The following INPP4B variants were observed in gnomAD, a reference collection of about 807,000 sequenced individuals.
The protein encoded by INPP4B is inositol polyphosphate 4-phosphatase type II.
Under a neutral mutation model 122.5 loss-of-function variants are expected in INPP4B, and 55 were observed. The ratio of observed to expected loss-of-function variants is 0.45; its 90% CI spans 0.36 to 0.56. The LOEUF is 0.56. INPP4B is among the 20% of genes least tolerant of loss of function. The pLI is 0.00. For synonymous variants in INPP4B, 403 were observed against 388.7 expected (o/e 1.04, Z -0.43); for missense variants, 1,000 against 1,097.7 (o/e 0.91, Z 1.26).
chr4:142,246,704 G>A (rs1417832223), intron 11 of INPP4B, among the ~76,000 whole-genome samples: 1 of 152,096 alleles, frequency 6.6e-6, no homozygotes, highest in Non-Finnish European at 1.5e-5. Context: ...GGGCTAAGTC[G>A]ATGGGGTTTT....
At chr4:142,325,380 A>G (rs1283191785) in intron 7 of INPP4B, among the ~76,000 whole-genome samples, 1 of 152,236 alleles carries the variant, frequency 6.6e-6, no homozygotes. Flanking sequence ...CAAACTGGTT[A>G]CAAATGCATA....
chr4:142,570,635 GA>G (rs1560814640), intron 2 of INPP4B, among the ~76,000 whole-genome samples: 1 of 151,768 alleles, frequency 6.6e-6, no homozygotes. Flanking sequence ...TATATTTAAA[GA>G]AGAATAAAAA....
chr4:142,089,734 G>GTA (rs1469483811), intron 23 of INPP4B, among the ~76,000 whole-genome samples: 2 of 152,100 alleles, frequency 1.3e-5, no homozygotes, highest in Admixed American at 6.6e-5. Context: ...TACCCTTAGT[G>GTA]TATACATTGC....
intron 23 of INPP4B, among the ~76,000 whole-genome samples, chr4:142,097,232 T>TTTATTTTATG (rs1782277843): frequency 6.9e-6 from 1 of 144,574 alleles, no homozygotes; most frequent in East Asian, 2.0e-4. Context: ...TTATTTTTAT[T>TTTATTTTATG]TTATTTTATT....
chr4:142,434,806 T>C (rs904445733), intron 3 of INPP4B, among the ~76,000 whole-genome samples: 1 of 152,038 alleles, frequency 6.6e-6, no homozygotes, highest in South Asian at 2.1e-4. Flanking sequence ...GGGTGTCCAA[T>C]CTTTTGGCTT....
chr4:142,759,621 C>T (rs917310010), intron 1 of INPP4B, among the ~76,000 whole-genome samples: 68 of 151,828 alleles, frequency 4.5e-4, no homozygotes, highest in African/African-American at 1.6e-3. Flanking sequence ...ATTTCTGCTA[C>T]TAAGTTCTAA....
chr4:142,477,557 A>C (rs1819950268), intron 2 of INPP4B, among the ~76,000 whole-genome samples: 1 of 152,094 alleles, frequency 6.6e-6, no homozygotes, highest in Non-Finnish European at 1.5e-5. Flanking sequence ...AAAAGAGAGA[A>C]GATCCAAATA....
intron 1 of INPP4B, among the ~76,000 whole-genome samples, chr4:142,746,648 A>G (rs1199359443): frequency 1.3e-5 from 2 of 152,188 alleles, no homozygotes; most frequent in African/African-American, 2.4e-5. Flanking sequence ...TAAGACAAAC[A>G]GCATGGTACT....
chr4:142,083,907 C>G (rs1775416371), intron 24 of INPP4B, among the ~76,000 whole-genome samples: 1 of 151,884 alleles, frequency 6.6e-6, no homozygotes, highest in African/African-American at 2.4e-5. Flanking sequence ...TTTATTGTTA[C>G]TATCATATGC....
At chr4:142,124,846 A>T in intron 18 of INPP4B, 86 bp from the exon 19 acceptor site, 3 of 1,011,456 alleles carry the variant, frequency 3.0e-6, no homozygotes, top group Non-Finnish European at 4.1e-6. Context: ...CTTATTTTTA[A>T]TTTTTCAGTA....
chr4:142,163,082 T>G (rs547315997), intron 16 of INPP4B, among the ~76,000 whole-genome samples: 1 of 152,000 alleles, frequency 6.6e-6, no homozygotes, highest in African/African-American at 2.4e-5. Context: ...AAGATTAATG[T>G]AGTCACTAAA....
intron 1 of INPP4B, among the ~76,000 whole-genome samples, chr4:142,825,752 T>A (rs952006460): frequency 9.2e-5 from 14 of 151,934 alleles, no homozygotes; most frequent in Non-Finnish European, 1.9e-4. Context: ...AGAGGCAGAA[T>A]TGGAATAGAA....
chr4:142,585,727 C>G (rs1306417941), intron 2 of INPP4B, among the ~76,000 whole-genome samples: 1 of 152,004 alleles, frequency 6.6e-6, no homozygotes, highest in Non-Finnish European at 1.5e-5. Flanking sequence ...CCTCCATACT[C>G]TAGGGCCATG....
intron 7 of INPP4B, among the ~76,000 whole-genome samples, chr4:142,388,280 C>T (rs977442405): frequency 6.6e-6 from 1 of 152,140 alleles, no homozygotes; most frequent in African/African-American, 2.4e-5. Context: ...TAAAGGAGTG[C>T]TATGGTTAAA....
intron 7 of INPP4B, among the ~76,000 whole-genome samples, chr4:142,335,107 TGAAAAAA>T (rs1253125122): frequency 1.6e-4 from 5 of 31,424 alleles, no homozygotes; most frequent in African/African-American, 5.3e-4. Context: ...CTGGGAAAAA[TGAAAAAA>T]AAAAAAAAAA....
chr4:142,629,469 T>C (rs776517375), intron 2 of INPP4B, among the ~76,000 whole-genome samples: 2 of 151,962 alleles, frequency 1.3e-5, no homozygotes, highest in South Asian at 4.1e-4. Context: ...TATTTCTAGA[T>C]GAGATGAAGG....
In INPP4B at chr4:142,535,356, C is replaced by T. The variant is rs367933862; in HGVS notation, c.-190-72630G>A. Among the ~76,000 whole-genome samples, 24 of 152,276 alleles carry T rather than the reference C, an allele frequency of 1.6e-4. No individual in the cohort carries two copies. In the East Asian group the frequency reaches 3.5e-3, roughly 22 times the overall value. ...TGTCCTTTTCACAAAAACAAAATTC[C>T]GAGCAGAGATTTAATACTTCCTGTA... On this transcript the variant is annotated intron_variant, in intron 2 of 25. Transcript: ENST00000262992.
intron 2 of INPP4B, among the ~76,000 whole-genome samples, chr4:142,712,008 A>T (rs1428502082): frequency 8.5e-5 from 13 of 152,160 alleles, no homozygotes; most frequent in Non-Finnish European, 1.8e-4. Flanking sequence ...AGATTGTGCC[A>T]CTGCACTCCA....
At chr4:142,095,591 A>G (rs1258923087) in intron 23 of INPP4B, among the ~76,000 whole-genome samples, 1 of 152,128 alleles carries the variant, frequency 6.6e-6, no homozygotes, top group African/African-American at 2.4e-5. Flanking sequence ...AACTTATCCT[A>G]ATGATGATTT....
Sources: gnomAD v4.1 joint callset for allele counts (sites outside exome capture counted in the v4.1 genomes callset) on GRCh38, gnomAD v4.1.1 for gene constraint, MANE v1.5 for transcripts, NCBI Gene and HGNC (gene_info 2026-07-23, HGNC 2026-07-21) for gene names.